QTGAL: variants seen among roughly 807,000 people sequenced by gnomAD.
The protein encoded by QTGAL is queuosine-tRNA galactosyltransferase, also known as BGnT-like protein 1.
At chr17:83,041,724 A>G in the QTGAL span, among the ~76,000 whole-genome samples, 82,374 of 152,126 alleles carry the variant, frequency 0.54, 23,096 homozygotes, top group East Asian at 0.75. Flanking sequence ...TGACAGAACC[A>G]TGGTTTCTAC....
At chr17:83,019,332 C>A in the QTGAL span, among the ~76,000 whole-genome samples, 2 of 152,106 alleles carry the variant, frequency 1.3e-5, no homozygotes, top group African/African-American at 4.8e-5. Context: ...TAAAAACAGA[C>A]AAAATATCAG....
the QTGAL span, among the ~76,000 whole-genome samples, chr17:83,021,880 G>C: frequency 6.6e-6 from 1 of 152,144 alleles, no homozygotes; most frequent in African/African-American, 2.4e-5. Flanking sequence ...ACAGAACAGA[G>C]CACAGAAATA....
chr17:83,010,406 G>A, the QTGAL span, among the ~76,000 whole-genome samples: 1 of 152,232 alleles, frequency 6.6e-6, no homozygotes, highest in African/African-American at 2.4e-5. Context: ...CACGGTCAGA[G>A]GAGAGCCCAC....
chr17:83,026,960 C>T, the QTGAL span, among the ~76,000 whole-genome samples: 4 of 128,810 alleles, frequency 3.1e-5, no homozygotes, highest in African/African-American at 9.8e-5. Flanking sequence ...ACACACAGAG[C>T]GGGGCAGGGA....
the QTGAL span, among the ~76,000 whole-genome samples, chr17:82,997,949 CTA>C: frequency 8.1e-6 from 1 of 123,746 alleles, no homozygotes; most frequent in African/African-American, 3.0e-5. Flanking sequence ...ATATATATAT[CTA>C]TATCTATCTA....
chr17:83,031,332 C>G, the QTGAL span, among the ~76,000 whole-genome samples: 31 of 149,340 alleles, frequency 2.1e-4, no homozygotes, highest in African/African-American at 7.8e-4. Flanking sequence ...CGCCAGAGCA[C>G]CCACGGGTCC....
chr17:82,949,974 G>A, the QTGAL span: 1 of 152,322 alleles, frequency 6.6e-6, no homozygotes, highest in Admixed American at 6.5e-5. Context: ...CTGGTTTCCT[G>A]TCACTTTGCT....
At chr17:82,984,848 C>T in the QTGAL span, among the ~76,000 whole-genome samples, 5 of 152,238 alleles carry the variant, frequency 3.3e-5, no homozygotes, top group South Asian at 2.1e-4. Context: ...TTGGTGAGTG[C>T]GGCCCACCCC....
At chr17:83,019,838 A>C in the QTGAL span, among the ~76,000 whole-genome samples, 1 of 151,936 alleles carries the variant, frequency 6.6e-6, no homozygotes, top group Non-Finnish European at 1.5e-5. Flanking sequence ...GGTTCAAGCG[A>C]TTCTCCTGCC....
At chr17:82,956,756 G>T in the QTGAL span, 1 of 1,583,556 alleles carries the variant, frequency 6.3e-7, no homozygotes, top group East Asian at 2.3e-5. The surrounding 1 kb of genome is among the most constrained non-coding windows in gnomAD (Gnocchi z 5.7). Context: ...GGGGATTCGG[G>T]GCTTGGGTCT....
chr17:83,036,602 A>T, the QTGAL span, among the ~76,000 whole-genome samples: 1 of 152,218 alleles, frequency 6.6e-6, no homozygotes, highest in Admixed American at 6.5e-5. Flanking sequence ...ACGCCAAAGG[A>T]ACGGGACTGA....
the QTGAL span, among the ~76,000 whole-genome samples, chr17:83,026,759 C>T: frequency 5.7e-5 from 7 of 122,742 alleles, no homozygotes; most frequent in African/African-American, 2.2e-4. Context: ...CCTCGACAGA[C>T]ACACAGAGGA....
chr17:82,981,659 AT>A, the QTGAL span: 1 of 152,228 alleles, frequency 6.6e-6, no homozygotes, highest in Admixed American at 6.5e-5. Flanking sequence ...ACTGGAGCAT[AT>A]GTTCGGAGCC....
the QTGAL span, chr17:83,035,166 C>G: frequency 1.5e-6 from 2 of 1,328,662 alleles, no homozygotes; most frequent in Non-Finnish European, 2.1e-6. Flanking sequence ...TTTCATAGAG[C>G]TTAGTATATG....
At chr17:83,020,542 G>A in the QTGAL span, among the ~76,000 whole-genome samples, 8 of 152,364 alleles carry the variant, frequency 5.3e-5, no homozygotes, top group Middle Eastern at 3.4e-3. Flanking sequence ...GGTCTGGAGC[G>A]GAGAAGCCCA....
At chr17:83,002,577 C>T in the QTGAL span, among the ~76,000 whole-genome samples, 1 of 152,210 alleles carries the variant, frequency 6.6e-6, no homozygotes, top group Non-Finnish European at 1.5e-5. Flanking sequence ...CTCTGCCTCC[C>T]CCAGGGGCAG....
chr17:83,045,547 C>T, the QTGAL span, among the ~76,000 whole-genome samples: 1 of 152,182 alleles, frequency 6.6e-6, no homozygotes, highest in Non-Finnish European at 1.5e-5. Context: ...ACACCAAAAG[C>T]ACACGCCACA....
At chr17:82,971,474 C>A in the QTGAL span, among the ~76,000 whole-genome samples, 1 of 152,048 alleles carries the variant, frequency 6.6e-6, no homozygotes, top group Non-Finnish European at 1.5e-5. Flanking sequence ...GCCAGCCACG[C>A]GCCGTCTCCT....
At chr17:83,049,759 C>T in the QTGAL span, among the ~76,000 whole-genome samples, 6 of 152,182 alleles carry the variant, frequency 3.9e-5, no homozygotes, top group Non-Finnish European at 7.3e-5. Context: ...TCCTACACTT[C>T]GTTTCGGGCT....
Sources: gnomAD v4.1 joint callset for allele counts (sites outside exome capture counted in the v4.1 genomes callset) on GRCh38, gnomAD v4.1.1 for gene constraint, Gnocchi (gnomAD v3.1) non-coding constraint, MANE v1.5 for transcripts, NCBI Gene and HGNC (gene_info 2026-07-23, HGNC 2026-07-21) for gene names.